SPAG16: variants seen among roughly 807,000 people sequenced by gnomAD.
The protein encoded by SPAG16 is sperm associated antigen 16.
SPAG16 carries 86 observed loss-of-function variants against 80.4 expected under a neutral mutation model. That is an observed-to-expected ratio of 1.07 (90% CI 0.90 to 1.28). The LOEUF is 1.28. Among genes scored for constraint, SPAG16 ranks in the 50% most tolerant of loss-of-function variants. The pLI, the probability that SPAG16 is intolerant of heterozygous loss-of-function variation, is 0.00. For synonymous variants in SPAG16, 294 were observed against 265.9 expected, an observed-to-expected ratio of 1.11 and a Z score of -1.03; for missense variants, 870 against 765.3, an observed-to-expected ratio of 1.14 and a Z score of -1.61.
chr2:214,301,949 C>G (rs138524631), intron 15 of SPAG16, among the ~76,000 whole-genome samples: 7 of 152,028 alleles, frequency 4.6e-5, no homozygotes, highest in Non-Finnish European at 8.8e-5. Context: ...AGCTTGCTCT[C>G]TCCTATAGGT....
At chr2:213,548,304 C>T (rs1394112321) in intron 10 of SPAG16, among the ~76,000 whole-genome samples, 1 of 152,150 alleles carries the variant, frequency 6.6e-6, no homozygotes, top group Non-Finnish European at 1.5e-5. Flanking sequence ...CCTCTGCCTC[C>T]CAGGTTCACG....
chr2:213,543,461 A>AT, intron 10 of SPAG16, among the ~76,000 whole-genome samples: 1 of 151,852 alleles, frequency 6.6e-6, no homozygotes, highest in Non-Finnish European at 1.5e-5. Context: ...GTGGATTTTA[A>AT]TTTTTGAATT....
chr2:213,801,225 G>C (rs1258578878), intron 10 of SPAG16, among the ~76,000 whole-genome samples: 1 of 152,218 alleles, frequency 6.6e-6, no homozygotes, highest in East Asian at 1.9e-4. Context: ...TTGCGTGTGT[G>C]TGTGCGTGCG....
At chr2:213,709,297 A>T (rs1403491699) in intron 10 of SPAG16, among the ~76,000 whole-genome samples, 2 of 152,168 alleles carry the variant, frequency 1.3e-5, no homozygotes, top group African/African-American at 4.8e-5. Context: ...ATGGAAAAGG[A>T]AGGTGTGAGA....
intron 15 of SPAG16, among the ~76,000 whole-genome samples, chr2:214,265,878 C>T (rs1331014467): frequency 6.6e-6 from 1 of 151,936 alleles, no homozygotes; most frequent in Non-Finnish European, 1.5e-5. Flanking sequence ...AGCAGTCCCT[C>T]CCAACCAATC....
intron 10 of SPAG16, among the ~76,000 whole-genome samples, chr2:213,811,721 G>A (rs1158815367): frequency 6.6e-6 from 1 of 152,104 alleles, no homozygotes; most frequent in Non-Finnish European, 1.5e-5. Flanking sequence ...CAGGTTAGTG[G>A]TTGAGAACTG....
chr2:213,710,721 C>T (rs567361830), intron 10 of SPAG16, among the ~76,000 whole-genome samples: 1 of 152,242 alleles, frequency 6.6e-6, no homozygotes, highest in South Asian at 2.1e-4. Flanking sequence ...TGACCAAGAC[C>T]TTTTAAATGA....
intron 10 of SPAG16, among the ~76,000 whole-genome samples, chr2:213,701,040 G>C (rs2065390979): frequency 2.0e-5 from 3 of 152,214 alleles, no homozygotes; most frequent in Admixed American, 2.0e-4. Flanking sequence ...AGGAGTTCCA[G>C]ACCAGCCTGG....
At chr2:214,216,478 C>T (rs1173309662) in intron 15 of SPAG16, among the ~76,000 whole-genome samples, 1 of 152,156 alleles carries the variant, frequency 6.6e-6, no homozygotes, top group Non-Finnish European at 1.5e-5. Context: ...CATGCCACCA[C>T]GCCCAGCTAA....
chr2:213,584,632 A>C (rs961950918), intron 10 of SPAG16, among the ~76,000 whole-genome samples: 1 of 151,552 alleles, frequency 6.6e-6, no homozygotes, highest in African/African-American at 2.4e-5. Flanking sequence ...GGAAGGAAGG[A>C]AGGAAGGATG....
intron 9 of SPAG16, among the ~76,000 whole-genome samples, chr2:213,446,536 A>G (rs369024853): frequency 6.2e-5 from 9 of 145,284 alleles, no homozygotes; most frequent in African/African-American, 2.1e-4. Context: ...CAGACAAAAT[A>G]AAGTAAAAAG....
At chr2:214,011,057 C>T (rs2047258837) in intron 12 of SPAG16, among the ~76,000 whole-genome samples, 1 of 144,994 alleles carries the variant, frequency 6.9e-6, no homozygotes, top group Admixed American at 6.7e-5. Flanking sequence ...TTTAGTTATA[C>T]TTATTTTATT....
chr2:214,396,984 A>T (rs1320673229), intron 15 of SPAG16, among the ~76,000 whole-genome samples: 1 of 151,836 alleles, frequency 6.6e-6, no homozygotes, highest in Admixed American at 6.6e-5. Flanking sequence ...GTATGTTTCT[A>T]ATTTTAGAGT....
At chr2:213,448,502 A>G (rs2071485702) in intron 9 of SPAG16, among the ~76,000 whole-genome samples, 2 of 152,266 alleles carry the variant, frequency 1.3e-5, no homozygotes, top group South Asian at 2.1e-4. Context: ...TCTCTGTTTA[A>G]TCAGCTTGTT....
intron 15 of SPAG16, among the ~76,000 whole-genome samples, chr2:214,393,914 C>G (rs1701221560): frequency 6.6e-6 from 1 of 152,066 alleles, no homozygotes. Flanking sequence ...GAATCTTTCT[C>G]CAGTCATAGG....
At chr2:214,334,258 C>G (rs1174847895) in intron 15 of SPAG16, among the ~76,000 whole-genome samples, 2 of 152,178 alleles carry the variant, frequency 1.3e-5, no homozygotes, top group African/African-American at 4.8e-5. Context: ...ATAGATAGAT[C>G]CTGAGGGGGG....
At chr2:213,412,045 C>A (rs549006858) in intron 9 of SPAG16, among the ~76,000 whole-genome samples, 4 of 152,114 alleles carry the variant, frequency 2.6e-5, no homozygotes, top group Non-Finnish European at 5.9e-5. Context: ...CGTGAAGCAA[C>A]CTTTTTCGTT....
intron 10 of SPAG16, among the ~76,000 whole-genome samples, chr2:213,731,535 G>A (rs1361227219): frequency 6.6e-6 from 1 of 151,050 alleles, no homozygotes; most frequent in Non-Finnish European, 1.5e-5. Context: ...TTGTTACATA[G>A]GTAAATGTGT....
intron 13 of SPAG16, among the ~76,000 whole-genome samples, chr2:214,076,606 G>A (rs2051093302): frequency 6.6e-6 from 1 of 151,500 alleles, no homozygotes; most frequent in African/African-American, 2.4e-5. Flanking sequence ...AAAGAGCACA[G>A]CCCTTAGATT....
Sources: gnomAD v4.1 joint callset for allele counts (sites outside exome capture counted in the v4.1 genomes callset) on GRCh38, gnomAD v4.1.1 for gene constraint, MANE v1.5 for transcripts, NCBI Gene and HGNC (gene_info 2026-07-23, HGNC 2026-07-21) for gene names.